ITGA8: variants seen among roughly 807,000 people sequenced by gnomAD.
ITGA8 encodes the protein integrin subunit alpha 8.
A neutral mutation model predicts 142.3 loss-of-function variants in ITGA8; 91 were observed. That is an observed-to-expected ratio of 0.64 (90% confidence interval 0.54 to 0.76). The LOEUF (loss-of-function observed/expected upper bound fraction) is 0.76, where lower values mean the gene tolerates loss of function less well. Ranked by LOEUF, ITGA8 falls within the 30% of genes least tolerant of loss-of-function variation. The probability of loss-of-function intolerance (pLI) is 0.00; values close to 1 mark genes in which losing one functional copy is unlikely to be tolerated. For synonymous variants in ITGA8, 505 were observed against 485.2 expected (o/e 1.04, Z -0.54); for missense variants, 1,406 against 1,327.7 (o/e 1.06, Z -0.92).
At chr10:15,677,365 A>C (rs1428041606) in intron 6 of ITGA8, among the ~76,000 whole-genome samples, 1 of 152,242 alleles carries the variant, frequency 6.6e-6, no homozygotes, top group Non-Finnish European at 1.5e-5. Context: ...ATTACACATC[A>C]TAAGCATGTA....
chr10:15,567,341 G>T (rs1378958494), intron 25 of ITGA8, among the ~76,000 whole-genome samples: 1 of 152,054 alleles, frequency 6.6e-6, no homozygotes, highest in African/African-American at 2.4e-5. Flanking sequence ...AATAATTATT[G>T]TACTGGCTTT....
intron 29 of ITGA8, 27 bp from the exon 30 acceptor site, chr10:15,517,271 A>G: frequency 6.7e-7 from 1 of 1,500,396 alleles, no homozygotes; most frequent in Non-Finnish European, 9.2e-7. Context: ...GGGCTATAAA[A>G]TCACGTCATT....
intron 10 of ITGA8, 38 bp from the exon 11 acceptor site, chr10:15,655,444 A>G (rs756282858): frequency 7.6e-6 from 11 of 1,451,806 alleles, no homozygotes; most frequent in Non-Finnish European, 1.1e-5. Flanking sequence ...TTTGTGTCCA[A>G]AAAGTCATTT....
intron 2 of ITGA8, among the ~76,000 whole-genome samples, chr10:15,710,233 C>A (rs948562651): frequency 1.3e-5 from 2 of 152,122 alleles, no homozygotes; most frequent in African/African-American, 2.4e-5. Context: ...GTTGTAGACA[C>A]AATTTTGACT....
chr10:15,539,719 T>C (rs1305108212), intron 27 of ITGA8, among the ~76,000 whole-genome samples: 1 of 152,172 alleles, frequency 6.6e-6, no homozygotes, highest in African/African-American at 2.4e-5. Context: ...TTGTTACCTG[T>C]ATGCAATGTG....
chr10:15,682,109 C>T (rs1157967571), intron 4 of ITGA8, among the ~76,000 whole-genome samples: 1 of 152,184 alleles, frequency 6.6e-6, no homozygotes, highest in Admixed American at 6.5e-5. Flanking sequence ...TTTCTATCGT[C>T]TTGTCTAAAA....
intron 27 of ITGA8, among the ~76,000 whole-genome samples, chr10:15,541,377 A>T (rs1258960368): frequency 6.6e-6 from 1 of 152,246 alleles, no homozygotes; most frequent in Non-Finnish European, 1.5e-5. Context: ...GAAGCCATCA[A>T]GGTGGTATTT....
Position 15,628,634 on chromosome 10 carries a change from A to C in ITGA8, c.1400-12075T>G, listed in dbSNP as rs773398065. Among the ~76,000 whole-genome samples the C allele has an allele frequency of 1.2e-4, 18 of 151,548 alleles. 2 individuals carry two copies. Among genetic ancestry groups the C allele is most frequent in the Non-Finnish European group, 2.1e-4 (14 of 67,924 alleles). On this transcript the variant is annotated intron_variant, in intron 13 of 29. Coordinates refer to ENST00000378076, the MANE Select transcript of ITGA8 (RefSeq NM_003638.3). Reference sequence around the variant, plus strand: ...GGTGTGAGCCACCGCGCCCGGCCAGATTCACCTCTACTTCTTGCATAAGAT... The same window carrying C: ...GGTGTGAGCCACCGCGCCCGGCCAGCTTCACCTCTACTTCTTGCATAAGAT...
At position 15,576,419 on chromosome 10, in the gene ITGA8, T is replaced by C. The variant is rs187960385; in HGVS notation, c.2373-825A>G. On this transcript the variant is annotated intron_variant, in intron 23 of 29. Transcript: ENST00000378076. ...TGATTACAAACTAAATTATTATTTT[T>C]ATAAAATCTTAAGAAGGGTAGTCCT... 7.9e-5 allele frequency among the ~76,000 whole-genome samples: 12 copies of C among 152,368 alleles called. No individual in the cohort carries two copies. In the East Asian group the frequency reaches 1.9e-3, roughly 24 times the overall value.
intron 11 of ITGA8, among the ~76,000 whole-genome samples, chr10:15,654,199 T>C (rs1421262770): frequency 1.3e-5 from 2 of 152,228 alleles, no homozygotes; most frequent in African/African-American, 4.8e-5. Flanking sequence ...AACTGAATTA[T>C]CAGGATGTAC....
chr10:15,632,426 G>T (rs995360563), intron 13 of ITGA8, among the ~76,000 whole-genome samples: 2 of 152,218 alleles, frequency 1.3e-5, no homozygotes, highest in Non-Finnish European at 2.9e-5. Flanking sequence ...ACTTGAAAAT[G>T]ACTATAGCTA....
intron 3 of ITGA8, 123 bp from the exon 4 acceptor site, chr10:15,684,250 G>A: frequency 1.1e-6 from 1 of 912,544 alleles, no homozygotes; most frequent in South Asian, 1.9e-5. Flanking sequence ...CCTCTAGCAT[G>A]CTAATGAGTG....
At chr10:15,530,820 G>C (rs1451354344) in intron 28 of ITGA8, among the ~76,000 whole-genome samples, 1 of 152,096 alleles carries the variant, frequency 6.6e-6, no homozygotes, top group Non-Finnish European at 1.5e-5. Context: ...TTTAAAAATG[G>C]TATTAGTCCT....
intron 6 of ITGA8, 97 bp from the exon 7 acceptor site, chr10:15,672,846 C>A (rs1258643384): frequency 1.5e-6 from 2 of 1,336,588 alleles, no homozygotes; most frequent in Non-Finnish European, 2.0e-6. Flanking sequence ...GGTGGAATTG[C>A]TTGCTTTTTT....
At chr10:15,548,680 T>C in intron 26 of ITGA8, 112 bp from the exon 27 acceptor site, 1 of 621,338 alleles carries the variant, frequency 1.6e-6, no homozygotes, top group Non-Finnish European at 2.7e-6. Context: ...TTATGATAAA[T>C]TATTAATGTA....
intron 8 of ITGA8, among the ~76,000 whole-genome samples, chr10:15,662,278 A>G (rs1443798586): frequency 6.7e-6 from 1 of 149,742 alleles, no homozygotes; most frequent in Non-Finnish European, 1.5e-5. Flanking sequence ...AAGAAAAAAT[A>G]GGAGACTTTT....
At chr10:15,600,526 G>A (rs1232994556) in intron 20 of ITGA8, among the ~76,000 whole-genome samples, 2 of 152,166 alleles carry the variant, frequency 1.3e-5, no homozygotes, top group Non-Finnish European at 2.9e-5. Context: ...AGGAACTCAA[G>A]CCAGCTGGAA....
Position 15,646,915 on chromosome 10 carries a change from T to G in ITGA8, c.1138A>C (p.Thr380Pro). ...CTACCGAATCTCCCAAACGTCTCGGTGCCAGTGAGGATCTGGGGGTCTCTG... is the reference window on the plus strand; with the variant it reads ...CTACCGAATCTCCCAAACGTCTCGGGGCCAGTGAGGATCTGGGGGTCTCTG... Reference protein sequence around the residue: ...LFRDPQILTGTETFGRFGSAM... With the variant: ...LFRDPQILTGPETFGRFGSAM... The change falls in exon 12 of 30, where the codon ACC becomes CCC. Residue 380 changes from threonine (T) to proline (P), a missense_variant. Physicochemically the swap from Thr to Pro is conservative, Grantham distance 38. Coordinates refer to ENST00000378076, the MANE Select transcript of ITGA8 (RefSeq NM_003638.3). 1 of 1,614,138 alleles carries G rather than the reference T, an allele frequency of 6.2e-7. No homozygotes were observed. The highest frequency in any genetic ancestry group is 1.3e-5 in the African/African-American group (1 of 75,032).
intron 13 of ITGA8, among the ~76,000 whole-genome samples, chr10:15,642,144 GA>G (rs1255209588): frequency 2.0e-5 from 3 of 151,922 alleles, no homozygotes; most frequent in Non-Finnish European, 4.4e-5. Flanking sequence ...AAAAGGAAAA[GA>G]AAAAAAGAGG....
Sources: gnomAD v4.1 joint callset for allele counts (sites outside exome capture counted in the v4.1 genomes callset) on GRCh38, gnomAD v4.1.1 for gene constraint, MANE v1.5 for transcripts, NCBI Gene and HGNC (gene_info 2026-07-23, HGNC 2026-07-21) for gene names.